GLIPR1L2: variants seen among roughly 807,000 people sequenced by gnomAD.
GLIPR1L2 encodes the protein GLIPR1 like 2, also known as GLIPR1-like protein 2.
Under a neutral mutation model 28.4 loss-of-function variants are expected in GLIPR1L2, and 21 were observed. The ratio of observed to expected loss-of-function variants is 0.74; its 90% CI spans 0.52 to 1.06. GLIPR1L2 has a LOEUF of 1.06. Ranked by LOEUF, GLIPR1L2 falls within the 50% of genes least tolerant of loss-of-function variation. The probability of loss-of-function intolerance (pLI) is 0.00; values close to 1 mark genes in which losing one functional copy is unlikely to be tolerated. For missense variants in GLIPR1L2, 476 were observed against 416.9 expected (o/e 1.14, Z -1.23); for synonymous variants, 145 against 139.3 (o/e 1.04, Z -0.29).
At chr12:75,396,553 C>T (rs1054354007) in intron 1 of GLIPR1L2, among the ~76,000 whole-genome samples, 13 of 152,166 alleles carry the variant, frequency 8.5e-5, no homozygotes, top group South Asian at 2.1e-4. Context: ...TTACTTCACA[C>T]TCTTGAATGA....
chr12:75,407,137 T>G (rs1032505857), intron 1 of GLIPR1L2, among the ~76,000 whole-genome samples: 5 of 152,022 alleles, frequency 3.3e-5, no homozygotes, highest in African/African-American at 1.2e-4. Context: ...TCATAATAAT[T>G]TTTTATTCAT....
chr12:75,428,888 A>G (rs1183183511), intron 4 of GLIPR1L2, among the ~76,000 whole-genome samples: 2 of 152,250 alleles, frequency 1.3e-5, no homozygotes, highest in Non-Finnish European at 2.9e-5. Context: ...TTGCAGGTGC[A>G]TAGATGACAA....
intron 1 of GLIPR1L2, among the ~76,000 whole-genome samples, chr12:75,408,501 A>G (rs932381289): frequency 2.0e-5 from 3 of 152,040 alleles, no homozygotes; most frequent in Admixed American, 6.6e-5. Flanking sequence ...TACATAAAAT[A>G]CACTTAAAAT....
chr12:75,423,743 G>A (rs2046003810), intron 4 of GLIPR1L2: 1 of 152,378 alleles, frequency 6.6e-6, no homozygotes, highest in Admixed American at 6.5e-5. Context: ...ACAGGCCCCA[G>A]TGTGTGATGT....
chr12:75,423,381 C>T (rs1187836195), intron 4 of GLIPR1L2: 1 of 995,244 alleles, frequency 1.0e-6, no homozygotes, highest in Non-Finnish European at 1.2e-6. Context: ...TTAGTTTTTC[C>T]TCCAAAAAGC....
intron 3 of GLIPR1L2, among the ~76,000 whole-genome samples, chr12:75,421,840 A>T (rs1389389970): frequency 2.0e-5 from 3 of 152,168 alleles, no homozygotes; most frequent in Non-Finnish European, 4.4e-5. Context: ...ATTGATGCAG[A>T]TGAGTCTTTG....
chr12:75,406,044 T>C (rs916219896), intron 1 of GLIPR1L2, among the ~76,000 whole-genome samples: 2 of 151,920 alleles, frequency 1.3e-5, no homozygotes, highest in Admixed American at 6.6e-5. Context: ...ATAAAAAGAT[T>C]GTGTATCTTA....
In GLIPR1L2 at chr12:75,425,132, C is replaced by A. The variant is rs552090175; in HGVS notation, c.670+2143C>A. On this transcript the variant is annotated intron_variant, in intron 4 of 5. Transcript: ENST00000550916. The stretch of plus-strand genomic sequence containing the variant: ...GAGGTTTGGGGTATCAGAGCCAGAG[C>A]AGAATAAAAAGATGTCCATGCAGGG... Among the ~76,000 whole-genome samples the A allele has an allele frequency of 4.6e-5, 7 of 152,060 alleles. No homozygotes were observed. The South Asian group carries it at 1.0e-3, about 23-fold the overall frequency.
chr12:75,405,652 CCAGTTTG>C (rs2045790193), intron 1 of GLIPR1L2, among the ~76,000 whole-genome samples: 1 of 38,586 alleles, frequency 2.6e-5, no homozygotes, highest in East Asian at 1.1e-3. Context: ...TGTCAGTTTG[CCAGTTTG>C]CCAGCAACCC....
chr12:75,391,768 G>A (rs1439283548), intron 1 of GLIPR1L2, among the ~76,000 whole-genome samples: 5 of 152,160 alleles, frequency 3.3e-5, no homozygotes, highest in African/African-American at 1.2e-4. Flanking sequence ...CACTCTCAGG[G>A]TGGTGCAAAT....
rs1488916009 is a variant in GLIPR1L2 at position 75,410,467 on chromosome 12, G to A, written c.268G>A (p.Ala90Thr). ...TGTAGCTTTATCACGGACTGCTAGAGCATGGGGAAAAAAATGTTTGTTTAC... is the reference window on the plus strand; with the variant it reads ...TGTAGCTTTATCACGGACTGCTAGAACATGGGGAAAAAAATGTTTGTTTAC... ...WDVALSRTAR[A>T]WGKKCLFTHN... is the part of the protein sequence containing the mutation. Residue 90 changes from alanine to threonine, a missense_variant, in exon 2 of 6, where the codon GCA becomes ACA. By Grantham distance (58) the Ala-to-Thr change is moderately conservative. Coordinates refer to ENST00000550916, the MANE Select transcript of GLIPR1L2 (RefSeq NM_001270396.2). 2 of 1,609,126 alleles carry A rather than the reference G, an allele frequency of 1.2e-6. No homozygotes were observed. Among genetic ancestry groups the A allele is most frequent in the Non-Finnish European group, 8.5e-7 (1 of 1,177,256 alleles).
chr12:75,423,439 T>G, intron 4 of GLIPR1L2: 1 of 924,628 alleles, frequency 1.1e-6, no homozygotes, highest in Non-Finnish European at 1.3e-6. Context: ...ATATGTTTGA[T>G]TACATTTTTC....
At chr12:75,391,617 C>A in intron 1 of GLIPR1L2, 1 of 1,045,524 alleles carries the variant, frequency 9.6e-7, no homozygotes, top group Non-Finnish European at 1.4e-6. Context: ...GGCGCCAATT[C>A]AAGAAAATGA....
intron 4 of GLIPR1L2, 136 bp from the exon 5 acceptor site, chr12:75,430,579 C>T (rs2139971559): frequency 2.7e-6 from 2 of 729,520 alleles, no homozygotes. Context: ...TAAAATTGGC[C>T]ACTGGTTGGA....
At chr12:75,391,578 G>A (rs766921374) in intron 1 of GLIPR1L2, 4 of 1,462,428 alleles carry the variant, frequency 2.7e-6, no homozygotes, top group African/African-American at 1.4e-5. Flanking sequence ...GGTGATGGAG[G>A]CACTGGCCTG....
chr12:75,428,102 C>T (rs2046052905), intron 4 of GLIPR1L2, among the ~76,000 whole-genome samples: 1 of 152,088 alleles, frequency 6.6e-6, no homozygotes, highest in African/African-American at 2.4e-5. Context: ...CAGAAGAAGA[C>T]AGGAAGATGT....
chr12:75,431,250 C>G lies in GLIPR1L2; in HGVS notation c.*89C>G. ...ACAGAAAAAAAAAAAAAGTAAAACA[C>G]TGAGTTTTAACAAGAAAGAAAATAT... On this transcript the variant is annotated 3_prime_UTR_variant, in exon 6 of 6. Transcript: ENST00000550916. The G allele has an allele frequency of 1.7e-6, 1 of 591,796 alleles. No individual in the cohort carries two copies. The highest frequency in any genetic ancestry group is 2.2e-5 in the South Asian group (1 of 46,308). The allele number at this position is 591,796 out of a possible 1,614,324, so 36.7% of individuals were successfully genotyped here.
chr12:75,391,649 T>C (rs945516318), intron 1 of GLIPR1L2: 1 of 704,306 alleles, frequency 1.4e-6, no homozygotes, highest in Non-Finnish European at 2.2e-6. Flanking sequence ...AACGGGTTTT[T>C]AAAAATTAAA....
chr12:75,396,028 C>T (rs953305134), intron 1 of GLIPR1L2, among the ~76,000 whole-genome samples: 1 of 152,076 alleles, frequency 6.6e-6, no homozygotes, highest in African/African-American at 2.4e-5. Flanking sequence ...ACATTTTCCT[C>T]TTAGCTCTGT....
Sources: allele counts gnomAD v4.1 joint callset (sites outside exome capture counted in the v4.1 genomes callset), GRCh38; gene constraint gnomAD v4.1.1; transcripts MANE v1.5; gene names NCBI Gene and HGNC (gene_info 2026-07-23, HGNC 2026-07-21).